The following KLHDC1 variants were observed in gnomAD, a reference collection of about 807,000 sequenced individuals.
The protein encoded by KLHDC1 is kelch domain containing 1.
Under a neutral mutation model 68.3 loss-of-function variants are expected in KLHDC1, and 53 were observed. The ratio of observed to expected loss-of-function variants is 0.78; its 90% CI spans 0.62 to 0.98. The LOEUF is 0.98. Ranked by LOEUF, KLHDC1 falls within the 50% of genes least tolerant of loss-of-function variation. The pLI is 0.00. For synonymous variants in KLHDC1, 148 were observed against 159.0 expected (o/e 0.93, Z 0.52); for missense variants, 470 against 492.3 (o/e 0.95, Z 0.43).
At chr14:49,748,724 T>C (rs1889254678) in intron 12 of KLHDC1, among the ~76,000 whole-genome samples, 1 of 151,912 alleles carries the variant, frequency 6.6e-6, no homozygotes, top group Non-Finnish European at 1.5e-5. Context: ...GTAGGGGGTA[T>C]ATATATACAT....
chr14:49,734,649 A>G lies in KLHDC1; in HGVS notation c.884A>G (p.Lys295Arg). The change falls in exon 10 of 13, where the codon AAA becomes AGA. Residue 295 changes from lysine (K) to arginine (R), a missense_variant. Transcript: ENST00000359332. ...NCWKQLTHLP[K>R]TRPRLWHTAC... is the part of the protein sequence containing the mutation. ...TGGAAACAACTTACACATTTACCTA[A>G]AACAAGACCTAGGTAAGTCAAGAAA... 6.3e-7 allele frequency: 1 copy of G among 1,581,080 alleles called. No homozygotes were observed. The highest frequency in any genetic ancestry group is 8.7e-7 in the Non-Finnish European group (1 of 1,156,060).
At chr14:49,707,272 A>ATGTGTG (rs749232051) in intron 1 of KLHDC1, among the ~76,000 whole-genome samples, 8 of 138,382 alleles carry the variant, frequency 5.8e-5, no homozygotes, top group Admixed American at 1.5e-4. Flanking sequence ...TTCTATTTTT[A>ATGTGTG]TGTGTGTGTG....
In KLHDC1 at chr14:49,710,253, T is replaced by C; in HGVS notation, c.286-10T>C. 1.4e-6 allele frequency: 2 copies of C among 1,427,594 alleles called. No homozygotes were observed. The highest frequency in any genetic ancestry group is 9.9e-7 in the Non-Finnish European group (1 of 1,010,978). 88.4% of individuals were successfully genotyped at this position (1,427,594 alleles called of 1,614,324 possible). ...GCCCTGTCTGCTAATAGTGTTCTCA[T>C]CTTTTAAAGCTTTATTTTGTTAATT... On this transcript the variant is annotated splice_polypyrimidine_tract_variant and intron_variant, in intron 3 of 12. Transcript: ENST00000359332.
chr14:49,747,278 C>A (rs1889224180), intron 12 of KLHDC1, among the ~76,000 whole-genome samples: 1 of 152,196 alleles, frequency 6.6e-6, no homozygotes, highest in Non-Finnish European at 1.5e-5. Context: ...CCTAGTTCAC[C>A]TGTACTTCTT....
chr14:49,717,381 T>G (rs543541494), intron 4 of KLHDC1, among the ~76,000 whole-genome samples: 139 of 151,934 alleles, frequency 9.1e-4, no homozygotes, highest in African/African-American at 3.2e-3. Flanking sequence ...TTATTTTGGG[T>G]GTGTGTGTGT....
intron 4 of KLHDC1, among the ~76,000 whole-genome samples, chr14:49,713,817 TATATATATATATATATATATATATA>T (rs1888279032): frequency 1.1e-3 from 3 of 2,764 alleles, no homozygotes; most frequent in South Asian, 0.018. Flanking sequence ...TATATATATA[TATATATATATATATATATATATATA>T]TATATATATT....
chr14:49,740,248 C>G, intron 11 of KLHDC1, 66 bp downstream of exon 11: 1 of 889,802 alleles, frequency 1.1e-6, no homozygotes, highest in Non-Finnish European at 1.8e-6. Context: ...AATGGCTATT[C>G]AGCAAGAATG....
chr14:49,710,156 A>G, intron 3 of KLHDC1, 107 bp from the exon 4 acceptor site: 1 of 626,088 alleles, frequency 1.6e-6, no homozygotes, highest in Non-Finnish European at 2.8e-6. Flanking sequence ...TAACAAGCTT[A>G]CCTATTAAAA....
chr14:49,717,945 G>T (rs569250872), intron 4 of KLHDC1, among the ~76,000 whole-genome samples: 1 of 151,642 alleles, frequency 6.6e-6, no homozygotes, highest in South Asian at 2.1e-4. Context: ...GTGCAGTGGT[G>T]CTTTCATGGC....
intron 8 of KLHDC1, 115 bp downstream of exon 8, chr14:49,729,663 G>C: frequency 4.6e-6 from 3 of 655,174 alleles, no homozygotes; most frequent in Non-Finnish European, 8.1e-6. Flanking sequence ...CCTTCAGATC[G>C]TATGTCTAAG....
At chr14:49,726,244 C>T (rs1888668462) in intron 6 of KLHDC1, among the ~76,000 whole-genome samples, 1 of 151,994 alleles carries the variant, frequency 6.6e-6, no homozygotes, top group Non-Finnish European at 1.5e-5. Context: ...ACATCAGAAC[C>T]GTAGATGGCA....
Position 49,723,898 on chromosome 14 carries a change from G to T in KLHDC1, c.429G>T (p.Gly143=). Reference sequence around the variant, plus strand: ...GACTAATATATTTTGGTGGTTATGGGTGTAGGAGACACAGTGAACTCCAAG... The same window carrying T: ...GACTAATATATTTTGGTGGTTATGGTTGTAGGAGACACAGTGAACTCCAAG... ...KDRLIYFGGY[G]CRRHSELQDC... Residue 143 remains glycine, a synonymous_variant, in exon 5 of 13, where the codon GGG becomes GGT. Transcript: ENST00000359332. 1.2e-6 allele frequency: 2 copies of T among 1,601,666 alleles called. No homozygotes were observed. Among genetic ancestry groups the T allele is most frequent in the Non-Finnish European group, 1.7e-6 (2 of 1,170,624 alleles).
intron 4 of KLHDC1, among the ~76,000 whole-genome samples, chr14:49,720,086 A>G (rs1434957725): frequency 1.3e-5 from 2 of 151,804 alleles, no homozygotes; most frequent in Admixed American, 1.3e-4. Context: ...TCCCAGGTTC[A>G]AGCAATTCTC....
chr14:49,744,192 G>A (rs1889136033), intron 12 of KLHDC1, among the ~76,000 whole-genome samples: 1 of 151,942 alleles, frequency 6.6e-6, no homozygotes, highest in African/African-American at 2.4e-5. Flanking sequence ...TAGGGAGGCT[G>A]AAGTGGGAGG....
chr14:49,746,598 G>C (rs989555059), intron 12 of KLHDC1, among the ~76,000 whole-genome samples: 1 of 152,190 alleles, frequency 6.6e-6, no homozygotes. Flanking sequence ...TCACAGTCAA[G>C]GATCCAGTGT....
At chr14:49,737,466 A>G (rs1888955257) in intron 10 of KLHDC1, among the ~76,000 whole-genome samples, 1 of 152,244 alleles carries the variant, frequency 6.6e-6, no homozygotes, top group South Asian at 2.1e-4. Context: ...TATGTGTCCC[A>G]GTTCCTGGGA....
intron 10 of KLHDC1, 23 bp from the exon 11 acceptor site, chr14:49,740,075 C>T: frequency 7.1e-7 from 1 of 1,404,558 alleles, no homozygotes; most frequent in Non-Finnish European, 1.0e-6. Context: ...GTGTTTCACT[C>T]TGTTTATAAT....
chr14:49,707,335 A>ATTTTT (rs1888079406), intron 1 of KLHDC1, among the ~76,000 whole-genome samples: 1 of 104,796 alleles, frequency 9.5e-6, no homozygotes, highest in African/African-American at 3.7e-5. Flanking sequence ...TAGACAAGAT[A>ATTTTT]TTCTTTTTTT....
At chr14:49,720,441 C>T (rs1020064372) in intron 4 of KLHDC1, among the ~76,000 whole-genome samples, 2 of 152,066 alleles carry the variant, frequency 1.3e-5, no homozygotes, top group African/African-American at 4.8e-5. Flanking sequence ...TTTTTTGTGA[C>T]AAATTTACTC....
Sources: allele counts gnomAD v4.1 joint callset (sites outside exome capture counted in the v4.1 genomes callset), GRCh38; gene constraint gnomAD v4.1.1; transcripts MANE v1.5; gene names NCBI Gene and HGNC (gene_info 2026-07-23, HGNC 2026-07-21).